SBF2: variants seen among roughly 807,000 people sequenced by gnomAD.
SBF2 encodes SET binding factor 2, also known as myotubularin-related protein 13.
Under a neutral mutation model 225.2 loss-of-function variants are expected in SBF2, and 112 were observed. The ratio of observed to expected loss-of-function variants is 0.50; its 90% confidence interval spans 0.43 to 0.58. The LOEUF (loss-of-function observed/expected upper bound fraction) is 0.58, where lower values mean the gene tolerates loss of function less well. SBF2 is among the 20% of genes least tolerant of loss of function. SBF2 has a pLI of 0.00. For missense variants in SBF2, 1,996 were observed against 2,206.2 expected (o/e 0.90, Z 1.91); for synonymous variants, 763 against 773.3 (o/e 0.99, Z 0.22).
At chr11:9,963,928 G>C in intron 14 of SBF2, 46 bp from the exon 15 acceptor site, 1 of 1,138,504 alleles carries the variant, frequency 8.8e-7, no homozygotes, top group South Asian at 1.3e-5. Flanking sequence ...AAACTTCTTT[G>C]GTAATTACAA....
intron 1 of SBF2, among the ~76,000 whole-genome samples, chr11:10,252,532 G>A (rs905437393): frequency 2.0e-5 from 3 of 152,190 alleles, no homozygotes; most frequent in Admixed American, 2.0e-4. Context: ...GGCCGGGCGC[G>A]GTGGCTCACG....
At chr11:9,794,528 G>A (rs552862361) in intron 33 of SBF2, among the ~76,000 whole-genome samples, 5 of 151,754 alleles carry the variant, frequency 3.3e-5, no homozygotes, top group Non-Finnish European at 7.4e-5. Flanking sequence ...AGCCAGGCAT[G>A]GTGGCACAGG....
intron 31 of SBF2, 165 bp from the exon 32 acceptor site, chr11:9,808,350 C>G: frequency 1.5e-6 from 1 of 662,324 alleles, no homozygotes; most frequent in Admixed American, 2.5e-5. Context: ...ATTTTGTAAA[C>G]TTGCCAGTAA....
rs551877275 is a variant in SBF2 at position 9,917,942 on chromosome 11, C to T, written c.1861-21931G>A. 6.9e-4 allele frequency among the ~76,000 whole-genome samples: 104 copies of T among 151,722 alleles called. 3 individuals carry two copies. The highest frequency in any genetic ancestry group is 2.4e-3 in the African/African-American group (99 of 41,062). On this transcript the variant is annotated intron_variant, in intron 16 of 39. Coordinates refer to ENST00000256190, the MANE Select transcript of SBF2 (RefSeq NM_030962.4). Reference sequence around the variant, plus strand: ...TTCCACACTATTTTGGTAAACAGGACCAGCATTTATTCAGTCGCCTAGCCA... The same window carrying T: ...TTCCACACTATTTTGGTAAACAGGATCAGCATTTATTCAGTCGCCTAGCCA...
In SBF2 at chr11:10,028,569, G is replaced by A. The variant is rs770141264; in HGVS notation, c.514-12C>T. 1.1e-4 allele frequency: 175 copies of A among 1,533,514 alleles called. 1 individual carries two copies. Among genetic ancestry groups the A allele is most frequent in the Non-Finnish European group, 1.4e-5 (15 of 1,107,122 alleles). The allele number at this position is 1,533,514 out of a possible 1,614,324, so 95.0% of individuals were successfully genotyped here. ...AAAGAAAACAGCTTCTGCAGAATGG[G>A]AGAAACACAAACACACACACACACG... On this transcript the variant is annotated splice_polypyrimidine_tract_variant and intron_variant, in intron 5 of 39. Coordinates refer to ENST00000256190, the MANE Select transcript of SBF2 (RefSeq NM_030962.4).
At chr11:9,936,825 T>C (rs1321764698) in intron 16 of SBF2, among the ~76,000 whole-genome samples, 1 of 152,134 alleles carries the variant, frequency 6.6e-6, no homozygotes, top group African/African-American at 2.4e-5. Flanking sequence ...GGGGTAGGGA[T>C]AGCATTAGGA....
chr11:10,123,111 T>C (rs942694197), intron 2 of SBF2, among the ~76,000 whole-genome samples: 5 of 152,194 alleles, frequency 3.3e-5, no homozygotes, highest in Non-Finnish European at 5.9e-5. Context: ...GGCTCAACTA[T>C]AGAAAACCCT....
chr11:9,906,254 G>A (rs188613889), intron 16 of SBF2, among the ~76,000 whole-genome samples: 3 of 152,298 alleles, frequency 2.0e-5, no homozygotes, highest in African/African-American at 7.2e-5. Flanking sequence ...GGAAATGGTT[G>A]GGATGCCAAG....
At chr11:9,970,522 C>G (rs1036788112) in intron 13 of SBF2, among the ~76,000 whole-genome samples, 1 of 152,128 alleles carries the variant, frequency 6.6e-6, no homozygotes, top group South Asian at 2.1e-4. Flanking sequence ...GGCTGCTCCC[C>G]ACAATTCTTT....
At chr11:9,900,044 TA>T (rs1347991488) in intron 16 of SBF2, among the ~76,000 whole-genome samples, 12 of 140,450 alleles carry the variant, frequency 8.5e-5, no homozygotes, top group South Asian at 6.7e-4. Flanking sequence ...TTTTTTTTTT[TA>T]AAAAAAAAAA....
At chr11:10,134,374 C>G (rs6484012) in intron 2 of SBF2, among the ~76,000 whole-genome samples, 2 of 152,030 alleles carry the variant, frequency 1.3e-5, no homozygotes, top group Non-Finnish European at 2.9e-5. Context: ...CTGGCCCCCC[C>G]CAAACCTCAT....
chr11:10,090,009 C>T (rs1293413490), intron 2 of SBF2, among the ~76,000 whole-genome samples: 1 of 152,086 alleles, frequency 6.6e-6, no homozygotes, highest in East Asian at 1.9e-4. Context: ...CTTAAGATGG[C>T]CGGAAATTCT....
chr11:10,236,573 C>T (rs1322332836), intron 1 of SBF2, among the ~76,000 whole-genome samples: 1 of 152,086 alleles, frequency 6.6e-6, no homozygotes, highest in African/African-American at 2.4e-5. Flanking sequence ...AATTCTCCTG[C>T]CTCAGCCTCC....
chr11:10,190,150 TA>T (rs58088340), intron 2 of SBF2, among the ~76,000 whole-genome samples: 52,318 of 146,174 alleles, frequency 0.36, 10,811 homozygotes, highest in African/African-American at 0.59. Flanking sequence ...AAACTCCGTC[TA>T]AAAAAAAAAA....
At chr11:10,203,057 T>TGG (rs1957624607) in intron 1 of SBF2, among the ~76,000 whole-genome samples, 1 of 79,838 alleles carries the variant, frequency 1.3e-5, no homozygotes, top group African/African-American at 4.8e-5. Context: ...GGTGGGGGGG[T>TGG]GAGAGGGGGG....
rs72857155 is a variant in SBF2 at position 9,992,222 on chromosome 11, A to G, written c.1296+193T>C. On this transcript the variant is annotated intron_variant, in intron 12 of 39. Transcript: ENST00000256190. ...CAAAAATTATATGTATTTCCAAGGC[A>G]TCTTATAATTTTTTGTAATTTTTAT... 0.059 allele frequency among the ~76,000 whole-genome samples: 8,906 copies of G among 152,216 alleles called. 324 individuals are homozygous for G. The highest frequency in any genetic ancestry group is 0.18 in the Middle Eastern group (52 of 294).
rs368709258 is a variant in SBF2 at position 10,036,910 on chromosome 11, C to T, written c.280-5740G>A. On this transcript the variant is annotated intron_variant, in intron 3 of 39. Transcript: ENST00000256190. Reference sequence around the variant, plus strand: ...AAATAGTAACAATACACAGTTCTCACTGCAGCCCTTCCTAGCCTGAAATAG... The same window carrying T: ...AAATAGTAACAATACACAGTTCTCATTGCAGCCCTTCCTAGCCTGAAATAG... Among the ~76,000 whole-genome samples the T allele has an allele frequency of 1.6e-4, 24 of 152,314 alleles. No homozygotes were observed. In the East Asian group the frequency reaches 3.7e-3, roughly 23 times the overall value.
chr11:10,069,559 T>C (rs1036494403), intron 2 of SBF2, among the ~76,000 whole-genome samples: 10 of 152,338 alleles, frequency 6.6e-5, no homozygotes, highest in South Asian at 4.1e-4. Flanking sequence ...CAGTCTATCA[T>C]TGATGGGCAT....
intron 2 of SBF2, among the ~76,000 whole-genome samples, chr11:10,173,862 C>G (rs549122172): frequency 1.3e-5 from 2 of 151,308 alleles, no homozygotes; most frequent in African/African-American, 4.9e-5. Flanking sequence ...CCCTGACCCC[C>G]GAGCAGCCTA....
Sources: allele counts gnomAD v4.1 joint callset (sites outside exome capture counted in the v4.1 genomes callset), GRCh38; gene constraint gnomAD v4.1.1; transcripts MANE v1.5; gene names NCBI Gene and HGNC (gene_info 2026-07-23, HGNC 2026-07-21).